Variants in MAPKAPK5 observed in about 807,000 individuals in gnomAD.
MAPKAPK5 encodes MAP kinase-activated protein kinase 5.
Under a neutral mutation model 65.1 loss-of-function variants are expected in MAPKAPK5, and 30 were observed. The ratio of observed to expected loss-of-function variants is 0.46; its 90% confidence interval spans 0.34 to 0.63. MAPKAPK5 has a LOEUF of 0.63. MAPKAPK5 is among the 20% of genes least tolerant of loss of function. MAPKAPK5 has a pLI of 0.01. For missense variants in MAPKAPK5, 433 were observed against 581.4 expected (o/e 0.74, Z 2.63); for synonymous variants, 179 against 204.6 (o/e 0.87, Z 1.07).
intron 7 of MAPKAPK5, among the ~76,000 whole-genome samples, chr12:111,874,621 C>T (rs1055048528): frequency 6.7e-6 from 1 of 149,628 alleles, no homozygotes; most frequent in Non-Finnish European, 1.5e-5. Context: ...CGCCACCACA[C>T]CTGGCTAATT....
intron 1 of MAPKAPK5, among the ~76,000 whole-genome samples, chr12:111,850,188 C>T (rs2069031641): frequency 6.6e-6 from 1 of 152,026 alleles, no homozygotes; most frequent in Non-Finnish European, 1.5e-5. Context: ...GCCACCATGC[C>T]CGCCTAATTT....
In MAPKAPK5 at chr12:111,865,301, G is replaced by A. The variant is rs902715144; in HGVS notation, c.88G>A (p.Ala30Thr). ...YSINWTQKLG[A>T]GISGPVRVCV... ...TATCAATTGGACTCAGAAGCTGGGAGCTGGAATTAGTGGTCCAGTTAGGTA... is the reference window on the plus strand; with the variant it reads ...TATCAATTGGACTCAGAAGCTGGGAACTGGAATTAGTGGTCCAGTTAGGTA... Residue 30 changes from alanine (A) to threonine (T), a missense_variant, in exon 2 of 14, where the codon GCT (alanine) becomes ACT (threonine). Around this residue, in one of 3 missense-constraint regions of MAPKAPK5, gnomAD observed 165 missense variants for 180.0 expected, o/e 0.92. Coordinates refer to ENST00000550735, the MANE Select transcript of MAPKAPK5 (RefSeq NM_003668.4). 2 of 1,593,160 alleles carry A rather than the reference G, an allele frequency of 1.3e-6. No individual in the cohort carries two copies. Among genetic ancestry groups the A allele is most frequent in the Non-Finnish European group, 1.7e-6 (2 of 1,168,948 alleles).
At position 111,883,748 on chromosome 12, in the gene MAPKAPK5, G is replaced by A; in HGVS notation, c.828G>A (p.Met276Ile). 3.1e-6 allele frequency: 5 copies of A among 1,613,768 alleles called. No individual in the cohort carries two copies. In the South Asian group the frequency reaches 5.5e-5, roughly 18 times the overall value. ...PEEEWSQISE[M>I]AKDVVRKLLK... ...AAGAGTGGAGTCAGATCTCAGAGAT[G>A]GCCAAAGATGTTGTGAGGAAGTGAG... is the stretch of plus-strand genomic sequence containing the variant. The change falls in exon 9 of 14, where the codon ATG becomes ATA. Residue 276 changes from methionine (M) to isoleucine (I), a missense_variant. Transcript: ENST00000550735. The surrounding 1 kb of genome is among the most constrained non-coding windows in gnomAD (Gnocchi z 4.8).
intron 1 of MAPKAPK5, among the ~76,000 whole-genome samples, chr12:111,852,183 T>C (rs895047738): frequency 1.3e-5 from 2 of 152,162 alleles, no homozygotes; most frequent in Admixed American, 6.6e-5. Flanking sequence ...GGATTAGTAT[T>C]GTATAGAAAT....
intron 1 of MAPKAPK5, among the ~76,000 whole-genome samples, chr12:111,864,968 A>G (rs1255726517): frequency 1.3e-5 from 2 of 152,218 alleles, no homozygotes; most frequent in Non-Finnish European, 2.9e-5. Flanking sequence ...GAACCCCCCA[A>G]AAGCATTGAT....
At chr12:111,886,880 T>G (rs1470131370) in intron 10 of MAPKAPK5, among the ~76,000 whole-genome samples, 1 of 152,154 alleles carries the variant, frequency 6.6e-6, no homozygotes, top group Non-Finnish European at 1.5e-5. Context: ...CGGAGGTGGC[T>G]GTGGGAGCAG....
chr12:111,901,098 G>C lies in MAPKAPK5; in HGVS notation c.*8037G>C. 1 of 456,088 alleles carries C rather than the reference G, an allele frequency of 2.2e-6. No homozygotes were observed. Among genetic ancestry groups the C allele is most frequent in the South Asian group, 1.5e-5 (1 of 64,560 alleles). The allele number at this position is 456,088 out of a possible 1,614,324, so 28.3% of individuals were successfully genotyped here. ...CAATCTCCAACATACAATGATTCAG[G>C]TCCCTCAGGGAGATGGCTCATGTTG... is the stretch of plus-strand genomic sequence containing the variant. On this transcript the variant is annotated 3_prime_UTR_variant, in exon 14 of 14. Transcript: ENST00000550735.
At chr12:111,877,080 C>T (rs1369168077) in intron 7 of MAPKAPK5, among the ~76,000 whole-genome samples, 1 of 113,440 alleles carries the variant, frequency 8.8e-6, no homozygotes, top group Non-Finnish European at 1.9e-5. Flanking sequence ...TGCAGTAGCA[C>T]GATCTCGGCT....
intron 1 of MAPKAPK5, among the ~76,000 whole-genome samples, chr12:111,852,199 T>C (rs147104685): frequency 5.6e-4 from 86 of 152,302 alleles, no homozygotes; most frequent in African/African-American, 2.0e-3. Flanking sequence ...GAAATGTTTT[T>C]AGAGAAATGG....
intron 1 of MAPKAPK5, among the ~76,000 whole-genome samples, chr12:111,859,605 G>A (rs1203262059): frequency 2.6e-5 from 4 of 151,112 alleles, no homozygotes; most frequent in Non-Finnish European, 4.4e-5. Context: ...AGTGTCCTAC[G>A]CCTGTTATCC....
rs1281199879 is a variant in MAPKAPK5 at position 111,901,908 on chromosome 12, T to G, written c.*8847T>G. ...TTAATATGTTAAATATTTTAGTACC[T>G]TTTGCTTTTTCACATTTCATTTGAA... On this transcript the variant is annotated 3_prime_UTR_variant, in exon 14 of 14. Transcript: ENST00000550735. 7 of 153,508 alleles carry G rather than the reference T, an allele frequency of 4.6e-5. No individual in the cohort carries two copies. Among genetic ancestry groups the G allele is most frequent in the Non-Finnish European group, 1.0e-4 (7 of 69,032 alleles). 9.5% of individuals were successfully genotyped at this position (153,508 alleles called of 1,614,324 possible).
intron 1 of MAPKAPK5, among the ~76,000 whole-genome samples, chr12:111,857,475 A>C (rs2069282670): frequency 6.6e-6 from 1 of 151,504 alleles, no homozygotes; most frequent in Non-Finnish European, 1.5e-5. Context: ...CTGGTCTTGA[A>C]CTCCTGACCT....
At chr12:111,843,542 G>A (rs1040767464) in intron 1 of MAPKAPK5, 3 of 327,800 alleles carry the variant, frequency 9.2e-6, no homozygotes, top group Non-Finnish European at 1.6e-5. Context: ...GACGCTTAAA[G>A]TTTGATGTAT....
chr12:111,891,604 T>C (rs1398359083), intron 13 of MAPKAPK5, among the ~76,000 whole-genome samples: 20 of 124,134 alleles, frequency 1.6e-4, no homozygotes, highest in South Asian at 1.0e-3. Context: ...CCATCCTGGC[T>C]AACACGGTGA....
intron 10 of MAPKAPK5, 187 bp from the exon 11 acceptor site, chr12:111,888,301 G>A: frequency 1.5e-6 from 1 of 669,066 alleles, no homozygotes; most frequent in Non-Finnish European, 2.3e-6. Context: ...TGGTTGGCCT[G>A]GTGTTTCCTG....
At chr12:111,867,750 C>T (rs1352056090) in intron 4 of MAPKAPK5, 81 bp downstream of exon 4, 1 of 980,964 alleles carries the variant, frequency 1.0e-6, no homozygotes, top group African/African-American at 1.6e-5. Flanking sequence ...TATGTGCTCC[C>T]TCCCCTTCCC....
intron 1 of MAPKAPK5, 95 bp from the exon 2 acceptor site, chr12:111,865,155 G>T: frequency 1.4e-6 from 1 of 735,342 alleles, no homozygotes; most frequent in South Asian, 1.6e-5. Context: ...AAGATGAGCT[G>T]TTGAGTGACA....
Position 111,898,918 on chromosome 12 carries a change from A to T in MAPKAPK5, c.*5857A>T, listed in dbSNP as rs2070918959. 1 of 145,126 alleles carries T rather than the reference A, an allele frequency of 6.9e-6. No homozygotes were observed. The highest frequency in any genetic ancestry group is 1.5e-5 in the Non-Finnish European group (1 of 67,292). The allele number at this position is 145,126 out of a possible 1,614,324, so 9.0% of individuals were successfully genotyped here. On this transcript the variant is annotated 3_prime_UTR_variant, in exon 14 of 14. Coordinates refer to ENST00000550735, the MANE Select transcript of MAPKAPK5 (RefSeq NM_003668.4). The stretch of plus-strand genomic sequence containing the variant: ...ATATCAAGTTGTGTGGCCTGAGCTG[A>T]GGATAAAGAATAATTTGCCTGAGGA...
At chr12:111,863,728 T>A (rs1254460393) in intron 1 of MAPKAPK5, among the ~76,000 whole-genome samples, 1 of 152,026 alleles carries the variant, frequency 6.6e-6, no homozygotes, top group Admixed American at 6.6e-5. Flanking sequence ...TGCCTCAGCT[T>A]CCTGAGTAGC....
Sources: allele counts gnomAD v4.1 joint callset (sites outside exome capture counted in the v4.1 genomes callset), GRCh38; gene constraint gnomAD v4.1.1; regional missense constraint gnomAD v4.1.1; non-coding constraint Gnocchi (gnomAD v3.1); transcripts MANE v1.5; gene names NCBI Gene and HGNC (gene_info 2026-07-23, HGNC 2026-07-21).